IL6R: variants seen among roughly 807,000 people sequenced by gnomAD.
The protein encoded by IL6R is interleukin 6 receptor, also known as interleukin-6 receptor subunit alpha.
A neutral mutation model predicts 48.3 loss-of-function variants in IL6R; 38 were observed. The observed-to-expected ratio is 0.79, with a 90% confidence interval of 0.61 to 1.03. The LOEUF (loss-of-function observed/expected upper bound fraction) is 1.03. Ranked by LOEUF, IL6R falls within the 50% of genes least tolerant of loss-of-function variation. The probability of loss-of-function intolerance (pLI) is 0.00; values close to 1 mark genes in which losing one functional copy is unlikely to be tolerated. For synonymous variants in IL6R, 264 were observed against 256.2 expected, an observed-to-expected ratio of 1.03 and a Z score of -0.29; for missense variants, 534 against 618.3, an observed-to-expected ratio of 0.86 and a Z score of 1.45.
chr1:154,454,706 A>C (rs1690776835), intron 9 of IL6R, 125 bp downstream of exon 9: 1 of 691,430 alleles, frequency 1.4e-6, no homozygotes, highest in African/African-American at 1.8e-5. Flanking sequence ...ATGAATGCAC[A>C]CACCACAACA....
Position 154,405,461 on chromosome 1 carries a change from G to A in IL6R, c.-169G>A. On this transcript the variant is annotated 5_prime_UTR_variant, in exon 1 of 10. Transcript: ENST00000368485. This position sits in a 1 kb window ranked among gnomAD's most constrained non-coding sequence, Gnocchi z 5.2. ...AGCCGAGCGCGGCGCGGGGCCGAGG[G>A]ACTCGCAGTGTGTGTAGAGAGCCGG... The A allele has an allele frequency of 1.7e-6, 1 of 588,718 alleles. No individual in the cohort carries two copies. Among genetic ancestry groups the A allele is most frequent in the South Asian group, 2.2e-5 (1 of 45,292 alleles). The allele number at this position is 588,718 out of a possible 1,614,324, so 36.5% of individuals were successfully genotyped here.
chr1:154,424,468 G>A (rs1397921130), intron 1 of IL6R, among the ~76,000 whole-genome samples: 3 of 152,168 alleles, frequency 2.0e-5, no homozygotes, highest in Non-Finnish European at 2.9e-5. Flanking sequence ...GCTAATCAGC[G>A]AATCAGCTGA....
chr1:154,405,529 G>GTCCCCC lies in IL6R; in HGVS notation c.-101_-100insTCCCCC. 7.7e-6 allele frequency: 3 copies of GTCCCCC among 388,508 alleles called. No homozygotes were observed. The highest frequency in any genetic ancestry group is 9.3e-6 in the Non-Finnish European group (2 of 214,592). The allele number at this position is 388,508 out of a possible 1,614,324, so 24.1% of individuals were successfully genotyped here. ...CTGCCCCCGGGGCCTGAGCCCGCCT[G>GTCCCCC]CCCGCCCACCGCCCCGCCCCGCCCC... On this transcript the variant is annotated 5_prime_UTR_variant, in exon 1 of 10. Coordinates refer to ENST00000368485, the MANE Select transcript of IL6R (RefSeq NM_000565.4). This position sits in a 1 kb window ranked among gnomAD's most constrained non-coding sequence, Gnocchi z 5.2.
chr1:154,432,296 T>C (rs541439811), intron 3 of IL6R, among the ~76,000 whole-genome samples: 38 of 152,152 alleles, frequency 2.5e-4, no homozygotes, highest in African/African-American at 9.2e-4. Context: ...AGACTGTGGC[T>C]GGCAGCTTCC....
intron 1 of IL6R, among the ~76,000 whole-genome samples, chr1:154,427,028 C>T (rs773131045): frequency 1.3e-5 from 2 of 151,968 alleles, no homozygotes; most frequent in Non-Finnish European, 2.9e-5. Context: ...AAGCAATTCT[C>T]CTGCCTCAGC....
intron 6 of IL6R, among the ~76,000 whole-genome samples, chr1:154,438,042 T>C (rs1689735723): frequency 6.6e-6 from 1 of 152,068 alleles, no homozygotes; most frequent in African/African-American, 2.4e-5. Flanking sequence ...ATCAAATTAA[T>C]ACATGCACAT....
chr1:154,440,655 C>CT (rs35390021), intron 6 of IL6R, among the ~76,000 whole-genome samples: 13,363 of 134,892 alleles, frequency 0.099, 1,965 homozygotes, highest in African/African-American at 0.32. Context: ...TGATTAATGT[C>CT]TTTTTTTTTT....
intron 9 of IL6R, among the ~76,000 whole-genome samples, chr1:154,462,622 C>T (rs1365814388): frequency 6.6e-6 from 1 of 151,918 alleles, no homozygotes; most frequent in Non-Finnish European, 1.5e-5. Flanking sequence ...ATCTGCCCGC[C>T]TAGGCCTCCC....
At chr1:154,418,538 A>C (rs1688482275) in intron 1 of IL6R, 1 of 433,794 alleles carries the variant, frequency 2.3e-6, no homozygotes, top group Non-Finnish European at 3.1e-6. Context: ...ATCTGAGAAG[A>C]GGGGGTTGCG....
intron 1 of IL6R, among the ~76,000 whole-genome samples, chr1:154,418,996 G>T (rs1303970351): frequency 6.6e-6 from 1 of 152,144 alleles, no homozygotes; most frequent in East Asian, 1.9e-4. Flanking sequence ...GAGGGGGAGA[G>T]AGAGGGTGGT....
At chr1:154,434,447 T>TC in intron 3 of IL6R, 72 bp from the exon 4 acceptor site, 1 of 1,366,302 alleles carries the variant, frequency 7.3e-7, no homozygotes, top group South Asian at 1.3e-5. Context: ...GGATTCCACT[T>TC]CCCCCTTCTG....
chr1:154,417,605 G>T (rs1421892205), intron 1 of IL6R, among the ~76,000 whole-genome samples: 1 of 152,054 alleles, frequency 6.6e-6, no homozygotes, highest in African/African-American at 2.4e-5. Context: ...TTTGAGACAG[G>T]GTTGCCCAGG....
intron 1 of IL6R, among the ~76,000 whole-genome samples, chr1:154,428,815 G>A (rs920753640): frequency 6.6e-6 from 1 of 152,176 alleles, no homozygotes; most frequent in Non-Finnish European, 1.5e-5. Flanking sequence ...GTGAGGAGGA[G>A]AGCGAGGGGA....
chr1:154,435,129 A>AACAT lies in IL6R; in HGVS notation c.780_781insACAT (p.Arg261ThrfsTer65). 1 of 1,614,156 alleles carries AACAT rather than the reference A, an allele frequency of 6.2e-7. No individual in the cohort carries two copies. ...GGTTTGAGCTCAGATATCGGGCTGA[A>AACAT]CGGTCAAAGACATTCACAACATGGA... On this transcript the variant is annotated frameshift_variant, in exon 5 of 10. Transcript: ENST00000368485. LOFTEE classifies it high-confidence loss of function.
chr1:154,434,629 T>G lies in IL6R; in HGVS notation c.569T>G (p.Val190Gly). The change falls in exon 4 of 10, where the codon GTG (valine) becomes GGG (glycine). Residue 190 changes from valine (V) to glycine (G), a missense_variant. Transcript: ENST00000368485. ...VPEGDSSFYI[V>G]SMCVASSVGS... ...GAGGGAGACAGCTCTTTCTACATAG[T>G]GTCCATGTGCGTCGCCAGTAGTGTC... 1 of 1,614,146 alleles carries G rather than the reference T, an allele frequency of 6.2e-7. No individual in the cohort carries two copies. The highest frequency in any genetic ancestry group is 8.5e-7 in the Non-Finnish European group (1 of 1,179,988).
At chr1:154,407,456 A>G (rs1175755359) in intron 1 of IL6R, among the ~76,000 whole-genome samples, 1 of 152,206 alleles carries the variant, frequency 6.6e-6, no homozygotes, top group East Asian at 1.9e-4. Context: ...TGAAAGGCAG[A>G]ACTGAGAGAC....
intron 1 of IL6R, among the ~76,000 whole-genome samples, chr1:154,420,571 T>G (rs1688604979): frequency 6.6e-6 from 1 of 150,498 alleles, no homozygotes; most frequent in African/African-American, 2.4e-5. Context: ...CAGGCTGGAG[T>G]GCAGTGGTGC....
chr1:154,437,060 T>C (rs186900844), intron 6 of IL6R, among the ~76,000 whole-genome samples: 5 of 152,350 alleles, frequency 3.3e-5, no homozygotes, highest in Admixed American at 1.3e-4. Flanking sequence ...AATACATATA[T>C]TTTAAAACTC....
intron 1 of IL6R, chr1:154,414,644 C>T (rs930803260): frequency 4.6e-5 from 38 of 828,626 alleles, no homozygotes; most frequent in East Asian, 2.7e-4. Flanking sequence ...TCGATGAAGA[C>T]GGTGTAGCTC....
Sources: allele counts gnomAD v4.1 joint callset (sites outside exome capture counted in the v4.1 genomes callset), GRCh38; gene constraint gnomAD v4.1.1; non-coding constraint Gnocchi (gnomAD v3.1); transcripts MANE v1.5; gene names NCBI Gene and HGNC (gene_info 2026-07-23, HGNC 2026-07-21).